The following ZFHX3 variants were observed in gnomAD, a reference collection of about 807,000 sequenced individuals.
The protein encoded by ZFHX3 is zinc finger homeobox 3.
Under a neutral mutation model 279.1 loss-of-function variants are expected in ZFHX3, and 42 were observed. That is an observed-to-expected ratio of 0.15 (90% CI 0.12 to 0.19). The LOEUF (loss-of-function observed/expected upper bound fraction) is 0.19, where lower values mean the gene tolerates loss of function less well. ZFHX3 is among the 10% of genes least tolerant of loss of function. The pLI, the probability that ZFHX3 is intolerant of heterozygous loss-of-function variation, is 1.00. For synonymous variants in ZFHX3, 2,293 were observed against 1,957.8 expected, an observed-to-expected ratio of 1.17 and a Z score of -4.52; for missense variants, 4,981 against 4,754.0, an observed-to-expected ratio of 1.05 and a Z score of -1.40.
intron 1 of ZFHX3, among the ~76,000 whole-genome samples, chr16:73,026,914 G>A (rs1456743828): frequency 2.0e-5 from 3 of 152,200 alleles, no homozygotes; most frequent in Non-Finnish European, 4.4e-5. Context: ...TGGAGCTAGA[G>A]CCTAGACTAG....
At chr16:72,895,036 A>T (rs1436653277) in intron 3 of ZFHX3, among the ~76,000 whole-genome samples, 1 of 152,168 alleles carries the variant, frequency 6.6e-6, no homozygotes, top group Non-Finnish European at 1.5e-5. Context: ...CCAACCGGGG[A>T]CCCAAAGAAA....
chr16:73,175,795 A>G (rs986228029), intron 5 of ZFHX3, among the ~76,000 whole-genome samples: 1 of 152,162 alleles, frequency 6.6e-6, no homozygotes, highest in Non-Finnish European at 1.5e-5. Flanking sequence ...ATTCAAATAC[A>G]TTCCCAACGC....
intron 8 of ZFHX3, among the ~76,000 whole-genome samples, chr16:73,065,864 A>C (rs1246131837): frequency 2.0e-5 from 3 of 152,258 alleles, no homozygotes. Context: ...TTTCCAAGGC[A>C]AAAAATTTCC....
rs71391468 is a variant in ZFHX3, at chr16:72,933,813, C to CTTTTTTT, written c.3216+16649_3216+16655dup. 4.7e-3 allele frequency among the ~76,000 whole-genome samples: 530 copies of CTTTTTTT among 112,360 alleles called. 23 individuals are homozygous for CTTTTTTT. Among genetic ancestry groups the CTTTTTTT allele is most frequent in the Non-Finnish European group, 7.9e-3 (400 of 50,646 alleles). 73.7% of individuals were successfully genotyped at this position (112,360 alleles called of 152,430 possible). A position where few individuals can be genotyped will look rare whatever the true frequency, so the allele number is the denominator to read the frequency against. Reference sequence around the variant, plus strand: ...TATGAAATGTTTAGCTCACAACTTTCTTTTTTTTTTTTTTTTTTTTTTTGA... The same window carrying CTTTTTTT: ...TATGAAATGTTTAGCTCACAACTTTCTTTTTTTTTTTTTTTTTTTTTTTTTTTTTTGA... On this transcript the variant is annotated intron_variant, in intron 3 of 9. Coordinates refer to ENST00000268489, the MANE Select transcript of ZFHX3 (RefSeq NM_006885.4).
chr16:73,139,474 G>GT (rs752366778), intron 6 of ZFHX3, among the ~76,000 whole-genome samples: 9 of 152,142 alleles, frequency 5.9e-5, no homozygotes, highest in South Asian at 4.1e-4. Flanking sequence ...TCAAGATATT[G>GT]TACATTATCT....
At position 72,957,815 on chromosome 16, in the gene ZFHX3, C is replaced by T. The variant is rs759426540; in HGVS notation, c.2331G>A (p.Val777=). Residue 777 remains valine, a synonymous_variant, in exon 2 of 10, where the codon GTG becomes GTA. Transcript: ENST00000268489. ...SHTAGAAAAA[V]AAAAAAANIS... is the part of the protein sequence containing the mutation. ...TATTGGCTGCCGCCGCCGCCGCAGCCACCGCCGCCGCCGCCGCCCCGGCAG... is the reference window on the plus strand; with the variant it reads ...TATTGGCTGCCGCCGCCGCCGCAGCTACCGCCGCCGCCGCCGCCCCGGCAG... 1.2e-4 allele frequency: 96 copies of T among 793,402 alleles called. No homozygotes were observed. The highest frequency in any genetic ancestry group is 9.9e-4 in the Admixed American group (40 of 40,428). The allele number at this position is 793,402 out of a possible 1,614,324, so 49.1% of individuals were successfully genotyped here.
chr16:73,287,342 G>C (rs2014642526), intron 4 of ZFHX3, among the ~76,000 whole-genome samples: 1 of 143,218 alleles, frequency 7.0e-6, no homozygotes, highest in South Asian at 2.3e-4. Flanking sequence ...TGGGTGGTGG[G>C]TGTGTGGCTG....
chr16:73,062,510 A>G (rs944376998), upstream of ZFHX3, among the ~76,000 whole-genome samples: 3 of 152,202 alleles, frequency 2.0e-5, no homozygotes, highest in Non-Finnish European at 2.9e-5. Flanking sequence ...GAAGATGTGA[A>G]TGGTGAATTT....
chr16:73,686,120 T>A (rs2053080531), intron 1 of ZFHX3, among the ~76,000 whole-genome samples: 1 of 151,064 alleles, frequency 6.6e-6, no homozygotes, highest in Admixed American at 6.6e-5. Flanking sequence ...TTATTTGAGA[T>A]TGAGTCTCAC....
At position 72,794,578 on chromosome 16, in the gene ZFHX3, G is replaced by A. The variant is rs767013410; in HGVS notation, c.8104C>T (p.Arg2702Trp). ...TGGGCCTGCGCTGGGCCTACAGCCC[G>A]GAACTGTCCTTTCCTTTCCCGAGCT... ...TRARERKGQF[R>W]AVGPAQAHRR... Residue 2702 changes from arginine (R) to tryptophan (W), a missense_variant, in exon 9 of 10, where the codon CGG becomes TGG. Transcript: ENST00000268489. This position sits in a 1 kb window ranked among gnomAD's most constrained non-coding sequence, Gnocchi z 4.2. 1 of 1,614,204 alleles carries A rather than the reference G, an allele frequency of 6.2e-7. No individual in the cohort carries two copies. Among genetic ancestry groups the A allele is most frequent in the Non-Finnish European group, 8.5e-7 (1 of 1,180,042 alleles).
chr16:73,752,540 G>T (rs2053770495), intron 1 of ZFHX3, among the ~76,000 whole-genome samples: 1 of 151,948 alleles, frequency 6.6e-6, no homozygotes, highest in African/African-American at 2.4e-5. Context: ...CTCTCTTCCT[G>T]GTCCCCAACA....
chr16:73,686,387 T>C (rs12716840), intron 1 of ZFHX3, among the ~76,000 whole-genome samples: 6,697 of 152,252 alleles, frequency 0.044, 172 homozygotes, highest in African/African-American at 0.059. Context: ...CCACCACGCC[T>C]GGTCATATTC....
At chr16:72,835,386 A>G (rs2037165703) in intron 4 of ZFHX3, among the ~76,000 whole-genome samples, 2 of 151,870 alleles carry the variant, frequency 1.3e-5, no homozygotes, top group Non-Finnish European at 2.9e-5. Context: ...AAATGTATTG[A>G]TTTTTCATTC....
chr16:73,855,960 T>C (rs913993622), intron 1 of ZFHX3, among the ~76,000 whole-genome samples: 2 of 152,136 alleles, frequency 1.3e-5, no homozygotes, highest in Non-Finnish European at 2.9e-5. Context: ...AGAAAATCAA[T>C]ACCCAATAAA....
rs906980673 is a variant in ZFHX3 at position 72,784,765 on chromosome 16, T to G, written c.*2399A>C. 2.0e-5 allele frequency: 3 copies of G among 152,584 alleles called. No homozygotes were observed. Among genetic ancestry groups the G allele is most frequent in the African/African-American group, 7.2e-5 (3 of 41,452 alleles). 9.5% of individuals were successfully genotyped at this position (152,584 alleles called of 1,614,324 possible). On this transcript the variant is annotated 3_prime_UTR_variant, in exon 10 of 10. Transcript: ENST00000268489. ...TACTGGTATGAATAGTTAGATGGTA[T>G]TCTTTCTTTAGTATTTCTACTTAAA...
At chr16:73,236,931 G>A (rs1489342439) in intron 5 of ZFHX3, among the ~76,000 whole-genome samples, 1 of 152,204 alleles carries the variant, frequency 6.6e-6, no homozygotes, top group Non-Finnish European at 1.5e-5. Context: ...AGCAAATGGT[G>A]AAGACAGCAA....
chr16:73,224,229 C>T (rs1331465302), intron 5 of ZFHX3, among the ~76,000 whole-genome samples: 18 of 152,050 alleles, frequency 1.2e-4, no homozygotes, highest in Non-Finnish European at 5.9e-5. Flanking sequence ...AGAAATGTGT[C>T]CTTCTGGTCG....
intron 2 of ZFHX3, among the ~76,000 whole-genome samples, chr16:73,509,878 T>C (rs1401792348): frequency 1.3e-5 from 2 of 152,230 alleles, no homozygotes; most frequent in African/African-American, 2.4e-5. Context: ...GCATTTTTAG[T>C]AGAGACGAGG....
At chr16:72,806,314 T>C (rs903944356) in intron 7 of ZFHX3, among the ~76,000 whole-genome samples, 6 of 152,038 alleles carry the variant, frequency 3.9e-5, no homozygotes, top group African/African-American at 1.2e-4. Flanking sequence ...ATGAGAAAGA[T>C]TGAAAAGGTA....
Sources: allele counts gnomAD v4.1 joint callset (sites outside exome capture counted in the v4.1 genomes callset), GRCh38; gene constraint gnomAD v4.1.1; non-coding constraint Gnocchi (gnomAD v3.1); transcripts MANE v1.5; gene names NCBI Gene and HGNC (gene_info 2026-07-23, HGNC 2026-07-21).